Variants in RIMS1 observed in about 807,000 individuals in gnomAD.
The protein encoded by RIMS1 is regulating synaptic membrane exocytosis 1, also known as regulating synaptic membrane exocytosis protein 1.
RIMS1 carries 83 observed loss-of-function variants against 214.1 expected under a neutral mutation model. The observed-to-expected ratio is 0.39, with a 90% CI of 0.32 to 0.47. The LOEUF (loss-of-function observed/expected upper bound fraction) is 0.47. Among genes scored for constraint, RIMS1 ranks in the 20% least tolerant of loss-of-function variants. The pLI is 0.99. For missense variants in RIMS1, 2,050 were observed against 2,161.8 expected (o/e 0.95, Z 1.03); for synonymous variants, 793 against 786.8 (o/e 1.01, Z -0.13).
At chr6:72,025,096 G>T (rs1277073019) in intron 2 of RIMS1, among the ~76,000 whole-genome samples, 1 of 151,864 alleles carries the variant, frequency 6.6e-6, no homozygotes, top group South Asian at 2.1e-4. Context: ...TAGAGACAGG[G>T]TTTCACCATG....
At chr6:72,380,481 G>T (rs1313418743) in intron 29 of RIMS1, among the ~76,000 whole-genome samples, 1 of 152,150 alleles carries the variant, frequency 6.6e-6, no homozygotes, top group Admixed American at 6.5e-5. Context: ...TATAGTCAGG[G>T]TGGTAGACAG....
chr6:72,347,328 C>A (rs1356942602), intron 29 of RIMS1, among the ~76,000 whole-genome samples: 1 of 151,918 alleles, frequency 6.6e-6, no homozygotes, highest in African/African-American at 2.4e-5. Context: ...GCCTGTACCA[C>A]ATACAGAAAA....
chr6:72,309,036 T>C (rs565966293), intron 27 of RIMS1, among the ~76,000 whole-genome samples: 8 of 152,084 alleles, frequency 5.3e-5, no homozygotes, highest in Non-Finnish European at 1.0e-4. Flanking sequence ...AGCTGGAAAT[T>C]TTTATCAGTT....
intron 2 of RIMS1, among the ~76,000 whole-genome samples, chr6:72,027,690 T>C (rs1816929464): frequency 6.6e-6 from 1 of 152,128 alleles, no homozygotes; most frequent in Non-Finnish European, 1.5e-5. Context: ...GATAGCTTCT[T>C]ACTGTCATAA....
chr6:72,114,302 G>C (rs150724997), intron 4 of RIMS1, among the ~76,000 whole-genome samples: 146 of 152,004 alleles, frequency 9.6e-4, no homozygotes, highest in Non-Finnish European at 1.7e-3. Flanking sequence ...TATTCGCACT[G>C]GAGTCGTATT....
At chr6:72,124,155 T>C (rs2039023972) in intron 4 of RIMS1, among the ~76,000 whole-genome samples, 2 of 152,044 alleles carry the variant, frequency 1.3e-5, no homozygotes, top group South Asian at 4.2e-4. Flanking sequence ...GGAGCTCTTT[T>C]AGGGCAGGCC....
intron 23 of RIMS1, among the ~76,000 whole-genome samples, chr6:72,276,395 G>C (rs2086430437): frequency 6.6e-6 from 1 of 151,988 alleles, no homozygotes; most frequent in South Asian, 2.1e-4. Flanking sequence ...TAAGCAAAAT[G>C]GAAATTCAAA....
intron 29 of RIMS1, among the ~76,000 whole-genome samples, chr6:72,351,353 T>G (rs921415835): frequency 3.3e-5 from 5 of 152,212 alleles, no homozygotes; most frequent in African/African-American, 9.6e-5. Flanking sequence ...GTTTAGGTGA[T>G]GTCAAACATT....
intron 22 of RIMS1, among the ~76,000 whole-genome samples, chr6:72,266,753 G>A (rs145053759): frequency 2.0e-5 from 3 of 152,108 alleles, no homozygotes; most frequent in African/African-American, 7.2e-5. Context: ...CACTGTGATG[G>A]AACTCTTTTA....
intron 2 of RIMS1, among the ~76,000 whole-genome samples, chr6:71,981,214 C>T (rs918835365): frequency 3.9e-5 from 6 of 152,078 alleles, no homozygotes; most frequent in African/African-American, 1.4e-4. Context: ...GTGTTTTAGG[C>T]ACTTTATGTG....
chr6:72,193,182 G>C (rs1005937187), intron 6 of RIMS1, among the ~76,000 whole-genome samples: 6 of 152,218 alleles, frequency 3.9e-5, no homozygotes, highest in African/African-American at 1.2e-4. Flanking sequence ...GTTGGAGCTT[G>C]TCTGATGTGA....
rs1379766279 is a variant in RIMS1, at chr6:72,235,642, A to G, written c.1771A>G (p.Lys591Glu). ...GCATCCTGTAACGTGGCAACCATCTAAAGAGGGGGACCGATTAATTGGACG... is the reference window on the plus strand; with the variant it reads ...GCATCCTGTAACGTGGCAACCATCTGAAGAGGGGGACCGATTAATTGGACG... ...SSHPVTWQPSKEGDRLIGRVI... is the reference protein window; with the variant it reads ...SSHPVTWQPSEEGDRLIGRVI... Residue 591 changes from lysine (K) to glutamate (E), a missense_variant, in exon 8 of 34, where the codon AAA (lysine) becomes GAA (glutamate). Physicochemically the swap from Lys to Glu is moderately conservative, Grantham distance 56 (BLOSUM62 1). This residue lies in a region of RIMS1 where 882 missense variants were observed against 828.9 expected (regional missense o/e 1.06). Transcript: ENST00000521978. 1.2e-6 allele frequency: 2 copies of G among 1,610,764 alleles called. No individual in the cohort carries two copies. The highest frequency in any genetic ancestry group is 8.5e-7 in the Non-Finnish European group (1 of 1,178,304).
intron 4 of RIMS1, among the ~76,000 whole-genome samples, chr6:72,108,190 G>A (rs1402676297): frequency 6.6e-6 from 1 of 152,036 alleles, no homozygotes; most frequent in Non-Finnish European, 1.5e-5. Flanking sequence ...GACTGAGGTG[G>A]CTGAGGCCAT....
intron 4 of RIMS1, among the ~76,000 whole-genome samples, chr6:72,108,618 T>A (rs533212050): frequency 1.3e-5 from 2 of 152,210 alleles, no homozygotes; most frequent in Admixed American, 6.5e-5. Context: ...ATGTATCTCA[T>A]TTTTCCCAAT....
intron 2 of RIMS1, among the ~76,000 whole-genome samples, chr6:71,998,625 G>A (rs892553408): frequency 2.0e-5 from 3 of 152,208 alleles, no homozygotes; most frequent in South Asian, 4.1e-4. Context: ...CCATATCATC[G>A]ATTTGAAATT....
rs146799029 is a variant in RIMS1 at position 72,224,974 on chromosome 6, A to G, written c.1679-8799A>G. 2.7e-3 allele frequency among the ~76,000 whole-genome samples: 407 copies of G among 152,334 alleles called. 10 individuals are homozygous for G. Among genetic ancestry groups the G allele is most frequent in the Non-Finnish European group, 3.3e-3 (227 of 68,020 alleles). ...CAACAATGCGAAGGCATAAAATAAA[A>G]TGTTCTCCAAACTTCTGTGTCTGGT... is the stretch of plus-strand genomic sequence containing the variant. On this transcript the variant is annotated intron_variant, in intron 6 of 33. Coordinates refer to ENST00000521978, the MANE Select transcript of RIMS1 (RefSeq NM_014989.7).
At chr6:71,934,096 G>A (rs560645423) in intron 1 of RIMS1, among the ~76,000 whole-genome samples, 8 of 152,096 alleles carry the variant, frequency 5.3e-5, no homozygotes, top group Non-Finnish European at 1.2e-4. Flanking sequence ...CAGAAGATCC[G>A]GGATGTGGGA....
intron 2 of RIMS1, 84 bp downstream of exon 2, chr6:71,969,147 G>A: frequency 7.9e-7 from 1 of 1,258,892 alleles, no homozygotes; most frequent in South Asian, 1.2e-5. Flanking sequence ...TTGCATGTGA[G>A]AGTAGATACT....
At chr6:72,007,991 C>T (rs563560676) in intron 2 of RIMS1, among the ~76,000 whole-genome samples, 3 of 152,070 alleles carry the variant, frequency 2.0e-5, no homozygotes, top group South Asian at 4.1e-4. Flanking sequence ...AGATACTGTT[C>T]GAGAAGAGCA....
Sources: allele counts gnomAD v4.1 joint callset (sites outside exome capture counted in the v4.1 genomes callset), GRCh38; gene constraint gnomAD v4.1.1; regional missense constraint gnomAD v4.1.1; transcripts MANE v1.5; gene names NCBI Gene and HGNC (gene_info 2026-07-23, HGNC 2026-07-21).